Variants in SLC35F4 observed in about 807,000 individuals in gnomAD.
SLC35F4 encodes solute carrier family 35 member F4.
In SLC35F4, 24 loss-of-function variants were observed where a neutral mutation model predicts 44.2. The observed-to-expected ratio is 0.54, with a 90% CI of 0.39 to 0.76. The LOEUF is 0.76. Among genes scored for constraint, SLC35F4 ranks in the 30% least tolerant of loss-of-function variants. The probability of loss-of-function intolerance (pLI) is 0.00; values close to 1 mark genes in which losing one functional copy is unlikely to be tolerated. For missense variants in SLC35F4, 562 were observed against 586.1 expected (o/e 0.96, Z 0.42); for synonymous variants, 238 against 223.6 (o/e 1.06, Z -0.57).
chr14:57,945,084 T>C (rs1889998536), intron 1 of SLC35F4, among the ~76,000 whole-genome samples: 1 of 152,114 alleles, frequency 6.6e-6, no homozygotes, highest in African/African-American at 2.4e-5. Context: ...TCCAAGAATA[T>C]GTACATAGTT....
intron 2 of SLC35F4, among the ~76,000 whole-genome samples, chr14:57,593,164 A>G (rs2070295015): frequency 6.6e-6 from 1 of 152,206 alleles, no homozygotes; most frequent in Admixed American, 6.5e-5. Context: ...TGCTCTTTTC[A>G]GGAACGTGGA....
intron 1 of SLC35F4, among the ~76,000 whole-genome samples, chr14:57,944,695 A>AAAAGAAAG (rs141697627): frequency 0.056 from 6,470 of 115,912 alleles, 219 homozygotes; most frequent in East Asian, 0.096. Context: ...AGAAAGAAAG[A>AAAAGAAAG]AAAGAAAGAA....
chr14:57,656,918 A>G (rs1164828087), intron 1 of SLC35F4, among the ~76,000 whole-genome samples: 1 of 152,168 alleles, frequency 6.6e-6, no homozygotes, highest in Non-Finnish European at 1.5e-5. Flanking sequence ...CATCATGACT[A>G]TATCCATTTG....
At chr14:57,719,199 C>T (rs958670035) in intron 1 of SLC35F4, among the ~76,000 whole-genome samples, 1 of 152,134 alleles carries the variant, frequency 6.6e-6, no homozygotes, top group African/African-American at 2.4e-5. Context: ...GTTTGTGTGT[C>T]TGTTTTTATG....
chr14:57,654,742 G>A (rs1033164975), intron 1 of SLC35F4, among the ~76,000 whole-genome samples: 69 of 152,124 alleles, frequency 4.5e-4, no homozygotes, highest in Non-Finnish European at 1.5e-4. Context: ...CCACATCCAT[G>A]AGCATGGCCT....
chr14:57,763,117 A>T (rs557126397), intron 1 of SLC35F4, among the ~76,000 whole-genome samples: 1 of 152,320 alleles, frequency 6.6e-6, no homozygotes, highest in Non-Finnish European at 1.5e-5. Flanking sequence ...TCTTTGAACT[A>T]GCTTTCCCAT....
chr14:57,761,953 C>T lies in SLC35F4; in HGVS notation c.103+103770G>A, dbSNP rs981894157. 3.3e-5 allele frequency among the ~76,000 whole-genome samples: 5 copies of T among 152,098 alleles called. No homozygotes were observed. The South Asian group carries it at 8.3e-4, about 25-fold the overall frequency. ...GAGGCTCACAGAACTGATGTGAAAGCTGTAGTGCCTATCTAGGAAAGCAGG... is the reference window on the plus strand; with the variant it reads ...GAGGCTCACAGAACTGATGTGAAAGTTGTAGTGCCTATCTAGGAAAGCAGG... On this transcript the variant is annotated intron_variant, in intron 1 of 7. Coordinates refer to ENST00000556826, the MANE Select transcript of SLC35F4 (RefSeq NM_001306087.2).
chr14:57,835,451 A>G (rs1884822313), intron 1 of SLC35F4, among the ~76,000 whole-genome samples: 1 of 152,190 alleles, frequency 6.6e-6, no homozygotes, highest in Admixed American at 6.5e-5. Context: ...AACCCCCAAG[A>G]CTTTCTCAAC....
intron 1 of SLC35F4, among the ~76,000 whole-genome samples, chr14:57,965,378 A>C (rs928094190): frequency 1.3e-5 from 2 of 152,064 alleles, no homozygotes; most frequent in Non-Finnish European, 2.9e-5. Flanking sequence ...TGGTGATTAA[A>C]TTGGGCCCAC....
At position 57,750,103 on chromosome 14, in the gene SLC35F4, A is replaced by C. The variant is rs1438612135; in HGVS notation, c.103+115620T>G. On this transcript the variant is annotated intron_variant, in intron 1 of 7. Transcript: ENST00000556826. ...CCACTCTCTATGGCCATATGTACAC[A>C]TTTTTAGCACCCACTTAAGAGTGAA... is the stretch of plus-strand genomic sequence containing the variant. Among the ~76,000 whole-genome samples, 172 of 152,136 alleles carry C rather than the reference A, an allele frequency of 1.1e-3. 1 individual carries two copies. The highest frequency in any genetic ancestry group is 3.9e-3 in the African/African-American group (163 of 41,486).
chr14:57,935,491 T>C (rs539033502), intron 1 of SLC35F4, among the ~76,000 whole-genome samples: 13 of 152,290 alleles, frequency 8.5e-5, no homozygotes, highest in Admixed American at 2.6e-4. Context: ...TTAAAGTGGG[T>C]TCTTGTTCAG....
At chr14:57,917,417 T>C (rs1889351096) in intron 1 of SLC35F4, among the ~76,000 whole-genome samples, 2 of 152,138 alleles carry the variant, frequency 1.3e-5, no homozygotes, top group Non-Finnish European at 2.9e-5. Flanking sequence ...TCAATAAACC[T>C]TTTAGCATAT....
chr14:57,714,814 G>T (rs12882068), intron 1 of SLC35F4, among the ~76,000 whole-genome samples: 44,044 of 146,714 alleles, frequency 0.3, 7,656 homozygotes, highest in Non-Finnish European at 0.4. Flanking sequence ...AGAAGAGGAC[G>T]ATCTACACCA....
At chr14:57,738,668 T>C (rs1427798463) in intron 1 of SLC35F4, among the ~76,000 whole-genome samples, 6 of 150,910 alleles carry the variant, frequency 4.0e-5, no homozygotes, top group Non-Finnish European at 7.4e-5. Context: ...TCATGGGAAG[T>C]CTGCCTACTT....
At chr14:57,964,440 C>T (rs1381345439) in intron 1 of SLC35F4, among the ~76,000 whole-genome samples, 1 of 152,086 alleles carries the variant, frequency 6.6e-6, no homozygotes, top group Non-Finnish European at 1.5e-5. Context: ...CAGGAAAACT[C>T]GAAACAATAC....
chr14:57,627,714 T>C (rs1342165167), intron 1 of SLC35F4, among the ~76,000 whole-genome samples: 1 of 152,110 alleles, frequency 6.6e-6, no homozygotes, highest in Non-Finnish European at 1.5e-5. Flanking sequence ...TTCTAACTTG[T>C]TCCCGCATTA....
chr14:57,697,459 G>A lies in SLC35F4; in HGVS notation c.104-103335C>T, dbSNP rs531992409. Among the ~76,000 whole-genome samples the A allele has an allele frequency of 6.4e-4, 98 of 152,184 alleles. 1 individual carries two copies. The highest frequency in any genetic ancestry group is 5.4e-3 in the South Asian group (26 of 4,814). ...TCATGCTTGTAATCTCAGCACTTTG[G>A]GAGGCCGAGGCGGGCAGATTGCTTT... On this transcript the variant is annotated intron_variant, in intron 1 of 7. Transcript: ENST00000556826.
At chr14:57,775,320 CT>C (rs1303634940) in intron 1 of SLC35F4, among the ~76,000 whole-genome samples, 3 of 152,246 alleles carry the variant, frequency 2.0e-5, no homozygotes, top group South Asian at 4.1e-4. Flanking sequence ...GCTGCCACTG[CT>C]GCTGGCACCT....
chr14:57,676,158 T>A (rs1040293771), intron 1 of SLC35F4, among the ~76,000 whole-genome samples: 1 of 152,054 alleles, frequency 6.6e-6, no homozygotes, highest in Non-Finnish European at 1.5e-5. Flanking sequence ...AAAGGTTGAT[T>A]CCATGTCTTT....
Sources: allele counts gnomAD v4.1 joint callset (sites outside exome capture counted in the v4.1 genomes callset), GRCh38; gene constraint gnomAD v4.1.1; transcripts MANE v1.5; gene names NCBI Gene and HGNC (gene_info 2026-07-23, HGNC 2026-07-21).